Variants in VWA5B1 observed in about 807,000 individuals in gnomAD.
VWA5B1 encodes von Willebrand factor A domain-containing protein 5B1.
In VWA5B1, 115 loss-of-function variants were observed where a neutral mutation model predicts 118.2. The ratio of observed to expected loss-of-function variants is 0.97; its 90% CI spans 0.84 to 1.14. The LOEUF (loss-of-function observed/expected upper bound fraction) is 1.14. Ranked by LOEUF, VWA5B1 falls within the 50% of genes most tolerant of loss-of-function variation. The probability of loss-of-function intolerance (pLI) is 0.00; values close to 1 mark genes in which losing one functional copy is unlikely to be tolerated. For synonymous variants in VWA5B1, 682 were observed against 658.4 expected (o/e 1.04, Z -0.55); for missense variants, 1,596 against 1,603.8 (o/e 1.00, Z 0.08).
intron 3 of VWA5B1, among the ~76,000 whole-genome samples, chr1:20,313,715 G>C (rs965621248): frequency 6.6e-6 from 1 of 152,222 alleles, no homozygotes; most frequent in Non-Finnish European, 1.5e-5. Context: ...AATGTTCGGT[G>C]AGCACTCATC....
At chr1:20,336,606 A>C (rs1178470543) in intron 13 of VWA5B1, 120 bp downstream of exon 13, 1 of 1,117,256 alleles carries the variant, frequency 9.0e-7, no homozygotes, top group Admixed American at 4.2e-5. Context: ...TGTTATACCC[A>C]CTTTACAGAT....
At chr1:20,324,401 T>C (rs1434922822) in intron 8 of VWA5B1, among the ~76,000 whole-genome samples, 1 of 152,126 alleles carries the variant, frequency 6.6e-6, no homozygotes, top group Non-Finnish European at 1.5e-5. Context: ...ATTACTGGTC[T>C]CCATTGTGGC....
In VWA5B1 at chr1:20,350,853, C is replaced by G; in HGVS notation, c.2954-4C>G. 6.4e-7 allele frequency: 1 copy of G among 1,551,806 alleles called. No individual in the cohort carries two copies. On this transcript the variant is annotated splice_polypyrimidine_tract_variant and splice_region_variant and intron_variant, in intron 19 of 21. Transcript: ENST00000289815. ...CTCAACTTGGTCATTCTGTGGCTCTCCAGGTCCCCAGCGCAGCCTGGCTAC... is the reference window on the plus strand; with the variant it reads ...CTCAACTTGGTCATTCTGTGGCTCTGCAGGTCCCCAGCGCAGCCTGGCTAC...
chr1:20,311,620 C>T (rs141364385), intron 2 of VWA5B1, among the ~76,000 whole-genome samples: 15 of 152,330 alleles, frequency 9.8e-5, no homozygotes, highest in African/African-American at 3.6e-4. Flanking sequence ...TCTCCTTCCA[C>T]TTCAGGAGGG....
At position 20,354,133 on chromosome 1, in the gene VWA5B1, A is replaced by G. The variant is rs750648726; in HGVS notation, c.3518A>G (p.Gln1173Arg). 2 of 1,551,388 alleles carry G rather than the reference A, an allele frequency of 1.3e-6. No individual in the cohort carries two copies. Among genetic ancestry groups the G allele is most frequent in the South Asian group, 2.4e-5 (2 of 84,064 alleles). ...VAAKANSWLEQQEVPEGRTQG... is the reference protein window; with the variant it reads ...VAAKANSWLERQEVPEGRTQG... ...GCCAAGGCCAACTCATGGCTGGAGC[A>G]GCAGGAAGTACCCGAGGGCCGCACG... Residue 1173 changes from glutamine (Q) to arginine (R), a missense_variant, in exon 22 of 22, where the codon CAG (glutamine) becomes CGG (arginine). Transcript: ENST00000289815.
chr1:20,309,351 G>A (rs969822888), intron 1 of VWA5B1, among the ~76,000 whole-genome samples: 1 of 152,192 alleles, frequency 6.6e-6, no homozygotes, highest in Non-Finnish European at 1.5e-5. Flanking sequence ...TCAGCTCCGT[G>A]GGGGGATGAC....
At chr1:20,296,952 G>A (rs1413086796) in intron 1 of VWA5B1, among the ~76,000 whole-genome samples, 1 of 152,172 alleles carries the variant, frequency 6.6e-6, no homozygotes, top group Non-Finnish European at 1.5e-5. Flanking sequence ...TGCCTTTCAG[G>A]CCTCTTGCTT....
At chr1:20,308,486 GC>G (rs2088736608) in intron 1 of VWA5B1, among the ~76,000 whole-genome samples, 1 of 152,168 alleles carries the variant, frequency 6.6e-6, no homozygotes, top group Non-Finnish European at 1.5e-5. Flanking sequence ...GGGGGACTGG[GC>G]GGGGAGTGAA....
chr1:20,341,612 C>T (rs61770714), intron 14 of VWA5B1, among the ~76,000 whole-genome samples: 9,587 of 152,284 alleles, frequency 0.063, 428 homozygotes, highest in Non-Finnish European at 0.087. Flanking sequence ...CCTGCAAATG[C>T]CCTTAACACA....
chr1:20,334,877 C>T (rs1202038369), intron 12 of VWA5B1, among the ~76,000 whole-genome samples: 4 of 151,964 alleles, frequency 2.6e-5, no homozygotes, highest in Admixed American at 2.6e-4. Flanking sequence ...GAGTCTAGCC[C>T]ATAAAAATAA....
intron 16 of VWA5B1, among the ~76,000 whole-genome samples, chr1:20,345,072 C>T (rs2089979068): frequency 6.6e-6 from 1 of 152,196 alleles, no homozygotes; most frequent in Non-Finnish European, 1.5e-5. Flanking sequence ...ACCCACCAGC[C>T]AGGGCACCTG....
At chr1:20,307,047 C>A (rs755451508) in intron 1 of VWA5B1, among the ~76,000 whole-genome samples, 5 of 152,152 alleles carry the variant, frequency 3.3e-5, no homozygotes, top group Non-Finnish European at 5.9e-5. Flanking sequence ...TGGTTTCTCT[C>A]ACCTCACCAG....
At chr1:20,301,737 G>C (rs550819533) in intron 1 of VWA5B1, among the ~76,000 whole-genome samples, 2 of 152,198 alleles carry the variant, frequency 1.3e-5, no homozygotes, top group East Asian at 3.8e-4. Flanking sequence ...GCTTTTCAGC[G>C]GAGCCACAGG....
chr1:20,295,542 G>A (rs2100795198), intron 1 of VWA5B1, among the ~76,000 whole-genome samples: 1 of 152,250 alleles, frequency 6.6e-6, no homozygotes, highest in Non-Finnish European at 1.5e-5. Flanking sequence ...ATCTTCCTAA[G>A]GCAAGGGTCC....
chr1:20,332,887 G>T lies in VWA5B1; in HGVS notation c.1694G>T (p.Gly565Val). 1 of 1,552,010 alleles carries T rather than the reference G, an allele frequency of 6.4e-7. No homozygotes were observed. The highest frequency in any genetic ancestry group is 8.7e-7 in the Non-Finnish European group (1 of 1,147,072). The change falls in exon 12 of 22, where the codon GGA (glycine) becomes GTA (valine). Residue 565 changes from glycine (G) to valine (V), a missense_variant. By Grantham distance (109) the Gly-to-Val change is moderately radical. Coordinates refer to ENST00000289815, the MANE Select transcript of VWA5B1 (RefSeq NM_001039500.3). ...SPVSASSLFP[G>V]ERLVGYGIVC... is the part of the protein sequence containing the mutation. ...GTCAGCGCCAGCTCCCTCTTCCCTG[G>T]AGAACGGCTGGTGGGGTATGGCATT...
At chr1:20,349,843 C>T (rs151250587) in intron 18 of VWA5B1, among the ~76,000 whole-genome samples, 8 of 150,804 alleles carry the variant, frequency 5.3e-5, no homozygotes, top group African/African-American at 1.5e-4. Flanking sequence ...CTTTACAACA[C>T]TGTGAGATAG....
intron 7 of VWA5B1, among the ~76,000 whole-genome samples, chr1:20,322,899 T>C (rs1557847482): frequency 6.6e-6 from 1 of 152,028 alleles, no homozygotes. Context: ...CGGGAGAGAA[T>C]CGGTAAACCA....
intron 1 of VWA5B1, among the ~76,000 whole-genome samples, chr1:20,301,579 C>G (rs2088504793): frequency 6.6e-6 from 1 of 152,176 alleles, no homozygotes; most frequent in Non-Finnish European, 1.5e-5. Context: ...AGAAGCCCCA[C>G]TGCAATGGAG....
At chr1:20,347,484 G>A (rs114773562) in intron 17 of VWA5B1, among the ~76,000 whole-genome samples, 396 of 151,472 alleles carry the variant, frequency 2.6e-3, no homozygotes, top group African/African-American at 9.3e-3. Flanking sequence ...CTGTTGCTCA[G>A]GTTAGAGTGC....
Sources: allele counts gnomAD v4.1 joint callset (sites outside exome capture counted in the v4.1 genomes callset), GRCh38; gene constraint gnomAD v4.1.1; transcripts MANE v1.5; gene names NCBI Gene and HGNC (gene_info 2026-07-23, HGNC 2026-07-21).